Variants in SENP1 observed in about 807,000 individuals in gnomAD.
SENP1 encodes SUMO specific peptidase 1.
A neutral mutation model predicts 93.0 loss-of-function variants in SENP1; 21 were observed. That is an observed-to-expected ratio of 0.23 (90% CI 0.16 to 0.33). The LOEUF is 0.33. Ranked by LOEUF, SENP1 falls within the 10% of genes least tolerant of loss-of-function variation. SENP1 has a pLI of 1.00. For synonymous variants in SENP1, 256 were observed against 259.6 expected, an observed-to-expected ratio of 0.99 and a Z score of 0.13; for missense variants, 591 against 758.7, an observed-to-expected ratio of 0.78 and a Z score of 2.60.
chr12:48,078,064 T>C (rs1270353074), intron 6 of SENP1, among the ~76,000 whole-genome samples: 1 of 151,986 alleles, frequency 6.6e-6, no homozygotes, highest in Non-Finnish European at 1.5e-5. Context: ...GAGCACAGAA[T>C]AGCTTTCCAT....
At chr12:48,046,651 A>C (rs1443945862) in intron 16 of SENP1, among the ~76,000 whole-genome samples, 200 bp from the exon 17 acceptor site, 4 of 152,168 alleles carry the variant, frequency 2.6e-5, no homozygotes, top group African/African-American at 9.7e-5. Context: ...TGTATTAATC[A>C]AACAGGAGAA....
At chr12:48,071,775 TTC>T in intron 8 of SENP1, 54 bp from the exon 9 acceptor site, 1 of 1,205,168 alleles carries the variant, frequency 8.3e-7, no homozygotes, top group Middle Eastern at 2.0e-4. Flanking sequence ...AAGTTATACT[TTC>T]TAGATATCTT....
Position 48,104,353 on chromosome 12 carries a change from A to C in SENP1, c.-45+1675T>G, listed in dbSNP as rs536317964. On this transcript the variant is annotated intron_variant, in intron 1 of 17. Coordinates refer to ENST00000549518, the MANE Select transcript of SENP1 (RefSeq NM_001267594.2). ...CAAGATGTGGTTAGAACAATTTATGATATAAGAAGGGTGTGAAAGCAACCA... is the reference window on the plus strand; with the variant it reads ...CAAGATGTGGTTAGAACAATTTATGCTATAAGAAGGGTGTGAAAGCAACCA... Among the ~76,000 whole-genome samples, 3 of 149,642 alleles carry C rather than the reference A, an allele frequency of 2.0e-5. No individual in the cohort carries two copies. The South Asian group carries it at 6.4e-4, about 32-fold the overall frequency.
In SENP1 at chr12:48,065,655, G is replaced by T. The variant is rs748926101; in HGVS notation, c.1060C>A (p.Arg354=). 2.6e-6 allele frequency: 4 copies of T among 1,560,220 alleles called. No individual in the cohort carries two copies. Among genetic ancestry groups the T allele is most frequent in the Admixed American group, 1.9e-5 (1 of 52,460 alleles). The change falls in exon 11 of 18, where the codon CGA becomes AGA. Residue 354 remains arginine (R), a synonymous_variant. Transcript: ENST00000549518. ...TCTTCAATCTGGCGCAATCTTTCTC[G>T]TGCTCGAGAATCATAAACACTAGTT... ...ELTSVYDSRA[R]ERLRQIEEQK...
At chr12:48,099,670 G>A (rs1945791047) in intron 2 of SENP1, among the ~76,000 whole-genome samples, 1 of 152,030 alleles carries the variant, frequency 6.6e-6, no homozygotes, top group Non-Finnish European at 1.5e-5. Flanking sequence ...AAATACACCA[G>A]GCATAGTGGC....
chr12:48,097,777 G>T (rs1202555984), intron 3 of SENP1: 3 of 396,532 alleles, frequency 7.6e-6, no homozygotes, highest in Non-Finnish European at 1.4e-5. Flanking sequence ...TTTCTAAAAC[G>T]TACTGTTCTC....
chr12:48,103,125 C>G (rs1228060532), intron 1 of SENP1, among the ~76,000 whole-genome samples: 1 of 152,100 alleles, frequency 6.6e-6, no homozygotes, highest in Non-Finnish European at 1.5e-5. Flanking sequence ...CATTACTAGC[C>G]TTTTTAAAAT....
intron 3 of SENP1, among the ~76,000 whole-genome samples, chr12:48,097,252 C>T (rs1174861810): frequency 6.6e-6 from 1 of 152,086 alleles, no homozygotes; most frequent in East Asian, 1.9e-4. Flanking sequence ...AGCTCTTAAT[C>T]AGAGGTGGTG....
chr12:48,076,998 C>T (rs1944136747), intron 6 of SENP1, among the ~76,000 whole-genome samples: 1 of 152,176 alleles, frequency 6.6e-6, no homozygotes, highest in African/African-American at 2.4e-5. Flanking sequence ...CTTGTAGTCC[C>T]CAGTGTCCAC....
At chr12:48,077,724 C>A (rs550599644) in intron 6 of SENP1, among the ~76,000 whole-genome samples, 1 of 152,088 alleles carries the variant, frequency 6.6e-6, no homozygotes, top group South Asian at 2.1e-4. Context: ...TAATGCTATT[C>A]CTCCCCACTC....
chr12:48,052,908 C>T (rs1298563363), intron 13 of SENP1, among the ~76,000 whole-genome samples: 1 of 152,156 alleles, frequency 6.6e-6, no homozygotes, highest in Non-Finnish European at 1.5e-5. Flanking sequence ...TTATTCTACA[C>T]GTAAGTGTAC....
At chr12:48,049,663 C>T (rs1941645600) in intron 13 of SENP1, among the ~76,000 whole-genome samples, 1 of 152,152 alleles carries the variant, frequency 6.6e-6, no homozygotes, top group Non-Finnish European at 1.5e-5. Flanking sequence ...TTAAAGACTG[C>T]CTTTTCAACT....
At chr12:48,069,550 T>C (rs565289796) in intron 9 of SENP1, among the ~76,000 whole-genome samples, 7 of 152,340 alleles carry the variant, frequency 4.6e-5, no homozygotes, top group African/African-American at 1.7e-4. Context: ...ATCAACTCTT[T>C]ACCTGAGAGA....
Position 48,091,174 on chromosome 12 carries a change from G to T in SENP1, c.221-2214C>A, listed in dbSNP as rs188165572. Among the ~76,000 whole-genome samples, 6 of 152,242 alleles carry T rather than the reference G, an allele frequency of 3.9e-5. No individual in the cohort carries two copies. The East Asian group carries it at 1.2e-3, about 29-fold the overall frequency. ...TTAAAAAAGAATGTGTCAAGACTGG[G>T]TGTGGTAGCTCACGCCTGTAATCCC... On this transcript the variant is annotated intron_variant, in intron 4 of 17. Coordinates refer to ENST00000549518, the MANE Select transcript of SENP1 (RefSeq NM_001267594.2).
At position 48,057,131 on chromosome 12, in the gene SENP1, TA is replaced by T. The variant is rs1322708281; in HGVS notation, c.1407+6578del. ...TTTAATATATTATATATTACATATATAAATATATTATTTAATATATTATATA... is the reference window on the plus strand; with the variant it reads ...TTTAATATATTATATATTACATATATAATATATTATTTAATATATTATATA... On this transcript the variant is annotated intron_variant, in intron 13 of 17. Coordinates refer to ENST00000549518, the MANE Select transcript of SENP1 (RefSeq NM_001267594.2). Among the ~76,000 whole-genome samples the T allele has an allele frequency of 4.0e-4, 40 of 99,974 alleles. 3 individuals are homozygous for T. The highest frequency in any genetic ancestry group is 4.4e-3 in the Middle Eastern group (1 of 228). 65.6% of individuals were successfully genotyped at this position (99,974 alleles called of 152,430 possible). A position where few individuals can be genotyped will look rare whatever the true frequency, so the allele number is the denominator to read the frequency against.
chr12:48,076,188 C>T (rs1393525138), intron 6 of SENP1, among the ~76,000 whole-genome samples: 1 of 152,226 alleles, frequency 6.6e-6, no homozygotes, highest in Non-Finnish European at 1.5e-5. Context: ...ATACAACCAC[C>T]AATCCTCAAA....
intron 6 of SENP1, chr12:48,080,509 G>C (rs930866368): frequency 6.6e-6 from 1 of 152,448 alleles, no homozygotes; most frequent in East Asian, 1.9e-4. Context: ...TCCTGAAGTT[G>C]ATGGACAAAT....
chr12:48,088,904 T>G lies in SENP1; in HGVS notation c.277A>C (p.Ser93Arg). 6.3e-7 allele frequency: 1 copy of G among 1,599,868 alleles called. No homozygotes were observed. The highest frequency in any genetic ancestry group is 8.5e-7 in the Non-Finnish European group (1 of 1,172,404). ...GAATTTCTCCATTGGCCATTTGCAC[T>G]CTGGCCAAAGGTTCTTAAATCGCCT... is the stretch of plus-strand genomic sequence containing the variant. ...GSGDLRTFGQSANGQWRNSTP... is the reference protein window; with the variant it reads ...GSGDLRTFGQRANGQWRNSTP... Residue 93 changes from serine (S) to arginine (R), a missense_variant, in exon 5 of 18, where the codon AGT becomes CGT. Transcript: ENST00000549518.
intron 4 of SENP1, among the ~76,000 whole-genome samples, chr12:48,091,337 T>G (rs61454333): frequency 6.6e-6 from 1 of 151,758 alleles, no homozygotes; most frequent in Non-Finnish European, 1.5e-5. Context: ...GTCGTCCCAG[T>G]TACTAGGGAG....
Sources: gnomAD v4.1 joint callset for allele counts (sites outside exome capture counted in the v4.1 genomes callset) on GRCh38, gnomAD v4.1.1 for gene constraint, MANE v1.5 for transcripts, NCBI Gene and HGNC (gene_info 2026-07-23, HGNC 2026-07-21) for gene names.